CDS2: variants seen among roughly 807,000 people sequenced by gnomAD.
CDS2 encodes the protein CDP-diacylglycerol synthase 2.
CDS2 carries 47 observed loss-of-function variants against 59.0 expected under a neutral mutation model. The ratio of observed to expected loss-of-function variants is 0.80; its 90% confidence interval spans 0.63 to 1.02. The LOEUF (loss-of-function observed/expected upper bound fraction) is 1.02. Among genes scored for constraint, CDS2 ranks in the 50% least tolerant of loss-of-function variants. The pLI, the probability that CDS2 is intolerant of heterozygous loss-of-function variation, is 0.00. For missense variants in CDS2, 356 were observed against 558.9 expected (o/e 0.64, Z 3.66); for synonymous variants, 207 against 206.4 (o/e 1.00, Z -0.02).
rs748371442 is a variant in CDS2, at chr20:5,189,732, C to T, written c.1102-3C>T. On this transcript the variant is annotated splice_region_variant and splice_polypyrimidine_tract_variant and intron_variant, in intron 11 of 12. Transcript: ENST00000460006. ...TCACCCATCCTTCCCCTGCCTCTAA[C>T]AGGACTTTGCCAATACCATTCCTGG... 14 of 1,612,244 alleles carry T rather than the reference C, an allele frequency of 8.7e-6. No homozygotes were observed. The highest frequency in any genetic ancestry group is 1.1e-5 in the Non-Finnish European group (13 of 1,178,716).
chr20:5,133,771 C>T (rs543151449), intron 1 of CDS2, among the ~76,000 whole-genome samples: 53 of 152,306 alleles, frequency 3.5e-4, no homozygotes, highest in Middle Eastern at 6.8e-3. Flanking sequence ...GTGATACTCC[C>T]GCCTTGGCCT....
chr20:5,137,405 G>A (rs904601131), intron 1 of CDS2, among the ~76,000 whole-genome samples: 1 of 151,468 alleles, frequency 6.6e-6, no homozygotes, highest in Admixed American at 6.6e-5. Context: ...TACCACACTT[G>A]GCTAATTTTT....
At chr20:5,165,386 C>A (rs754334659) in intron 1 of CDS2, among the ~76,000 whole-genome samples, 51 of 152,174 alleles carry the variant, frequency 3.4e-4, no homozygotes, top group Non-Finnish European at 6.5e-4. Flanking sequence ...CTTCAGCAAA[C>A]CCTGGATTCT....
intron 5 of CDS2, among the ~76,000 whole-genome samples, chr20:5,181,338 G>T (rs1007369800): frequency 2.6e-5 from 4 of 151,958 alleles, no homozygotes; most frequent in African/African-American, 9.7e-5. Context: ...CCTTTGGGTT[G>T]GGGGTCTCCT....
rs538076334 is a variant in CDS2 at position 5,167,540 on chromosome 20, G to A, written c.58-5983G>A. On this transcript the variant is annotated intron_variant, in intron 1 of 12. Transcript: ENST00000460006. ...GCTGTCACACACTGGCCAGATATAT[G>A]TATATATATGTATATATGTATATTT... 8.1e-4 allele frequency among the ~76,000 whole-genome samples: 123 copies of A among 152,178 alleles called. 2 individuals carry two copies. The Middle Eastern group carries it at 0.01, about 13-fold the overall frequency.
rs961610340 is a variant in CDS2 at position 5,184,802 on chromosome 20, A to G, written c.672-56A>G. 7.9e-7 allele frequency: 1 copy of G among 1,262,756 alleles called. No individual in the cohort carries two copies. The highest frequency in any genetic ancestry group is 1.5e-5 in the African/African-American group (1 of 67,878). The allele number at this position is 1,262,756 out of a possible 1,614,324, so 78.2% of individuals were successfully genotyped here. ...ATTTAAGAATGGCACTATTTTGTGT[A>G]CTTTTGAGGTACTGTCACCTTGCTT... On this transcript the variant is annotated intron_variant, in intron 7 of 12. Coordinates refer to ENST00000460006, the MANE Select transcript of CDS2 (RefSeq NM_003818.4). This position sits in a 1 kb window ranked among gnomAD's most constrained non-coding sequence, Gnocchi z 4.3.
At chr20:5,134,571 A>G (rs2090633296) in intron 1 of CDS2, among the ~76,000 whole-genome samples, 1 of 151,846 alleles carries the variant, frequency 6.6e-6, no homozygotes, top group Non-Finnish European at 1.5e-5. Flanking sequence ...CCCAGGCTGG[A>G]GTCCAATGGC....
In CDS2 at chr20:5,196,971, G is replaced by A. The variant is rs539957088; in HGVS notation, c.*6737G>A. ...GCAGCAGGAGGAATACCAGGGCCAC[G>A]GAGGGGCCAGGAGTCTCACAGTGGA... On this transcript the variant is annotated 3_prime_UTR_variant, in exon 13 of 13. Transcript: ENST00000460006. The A allele has an allele frequency of 2.9e-4, 44 of 152,500 alleles. No homozygotes were observed. Among genetic ancestry groups the A allele is most frequent in the Non-Finnish European group, 4.3e-4 (29 of 68,070 alleles). 9.4% of individuals were successfully genotyped at this position (152,500 alleles called of 1,614,324 possible). A position where few individuals can be genotyped will look rare whatever the true frequency, so the allele number is the denominator to read the frequency against.
chr20:5,188,434 A>G (rs2091086849), intron 10 of CDS2, among the ~76,000 whole-genome samples: 2 of 152,306 alleles, frequency 1.3e-5, no homozygotes, highest in East Asian at 1.9e-4. Flanking sequence ...GATTTTCTTT[A>G]TATACTTCCA....
rs2091001482 is a variant in CDS2 at position 5,177,276 on chromosome 20, G to A, written c.389+531G>A. 2.0e-5 allele frequency among the ~76,000 whole-genome samples: 3 copies of A among 151,930 alleles called. No homozygotes were observed. In the South Asian group the frequency reaches 6.2e-4, roughly 32 times the overall value. ...TTAGGTTCTGCTGCCGGCTTTGCTT[G>A]TTATCCTTGGAACTTGGTTTCCTTA... On this transcript the variant is annotated intron_variant, in intron 4 of 12. Transcript: ENST00000460006.
intron 1 of CDS2, among the ~76,000 whole-genome samples, chr20:5,136,199 T>C (rs1224721499): frequency 6.6e-6 from 1 of 150,918 alleles, no homozygotes; most frequent in Non-Finnish European, 1.5e-5. Flanking sequence ...TTCAGTGGTC[T>C]ACAAGACATT....
At chr20:5,170,319 C>T (rs1202776620) in intron 1 of CDS2, among the ~76,000 whole-genome samples, 2 of 152,202 alleles carry the variant, frequency 1.3e-5, no homozygotes, top group African/African-American at 4.8e-5. Flanking sequence ...GCATGGGTTC[C>T]AGGTCCCTGC....
chr20:5,172,855 G>C (rs576067122), intron 1 of CDS2, among the ~76,000 whole-genome samples: 1 of 152,208 alleles, frequency 6.6e-6, no homozygotes, highest in African/African-American at 2.4e-5. Flanking sequence ...TGGGTAAAGA[G>C]CTTGCTGCTG....
At chr20:5,127,228 C>G (rs192509073) in intron 1 of CDS2, 79 bp downstream of exon 1, 1 of 1,275,468 alleles carries the variant, frequency 7.8e-7, no homozygotes, top group East Asian at 3.2e-5. Flanking sequence ...GCAGAGGGGT[C>G]GTCTTGTTCT....
intron 1 of CDS2, among the ~76,000 whole-genome samples, chr20:5,163,791 C>T (rs6053169): frequency 0.027 from 1,287 of 47,858 alleles, 32 homozygotes; most frequent in African/African-American, 0.07. Flanking sequence ...TTCTTTCTTT[C>T]TTTTTTTTTT....
intron 1 of CDS2, among the ~76,000 whole-genome samples, chr20:5,149,423 T>C (rs1174678056): frequency 6.6e-6 from 1 of 152,196 alleles, no homozygotes; most frequent in Non-Finnish European, 1.5e-5. Context: ...TTTTTCTCAA[T>C]TTGTCATTTT....
chr20:5,155,432 CAAA>C, intron 1 of CDS2, among the ~76,000 whole-genome samples: 1 of 152,300 alleles, frequency 6.6e-6, no homozygotes, highest in South Asian at 2.1e-4. Context: ...TTTATAATCT[CAAA>C]GTCTAAAATT....
Position 5,194,335 on chromosome 20 carries a change from C to G in CDS2, c.*4101C>G, listed in dbSNP as rs6116685. ...TGCTAGGGTTTAAACCAAGTGGTCA[C>G]GAAGGATTCTTATCTCAGGGCTCTG... On this transcript the variant is annotated 3_prime_UTR_variant, in exon 13 of 13. Transcript: ENST00000460006. 0.067 allele frequency: 10,195 copies of G among 152,256 alleles called. 1,132 individuals are homozygous for G. Among genetic ancestry groups the G allele is most frequent in the African/African-American group, 0.23 (9,664 of 41,482 alleles). The allele number at this position is 152,256 out of a possible 1,614,324, so 9.4% of individuals were successfully genotyped here. A position where few individuals can be genotyped will look rare whatever the true frequency, so the allele number is the denominator to read the frequency against.
chr20:5,178,886 C>T lies in CDS2; in HGVS notation c.459C>T (p.Val153=). The stretch of plus-strand genomic sequence containing the variant: ...TGACGGATTACTTCTTCACCCTGGT[C>T]CAGAGAGAAGAGCCTTTGCGGATTC... ...ETVTDYFFTL[V]QREEPLRILS... The change falls in exon 5 of 13, where the codon GTC becomes GTT. Residue 153 remains valine (V), a synonymous_variant. Coordinates refer to ENST00000460006, the MANE Select transcript of CDS2 (RefSeq NM_003818.4). The T allele has an allele frequency of 6.2e-7, 1 of 1,613,910 alleles. No individual in the cohort carries two copies. Among genetic ancestry groups the T allele is most frequent in the Non-Finnish European group, 8.5e-7 (1 of 1,179,782 alleles).
Sources: gnomAD v4.1 joint callset for allele counts (sites outside exome capture counted in the v4.1 genomes callset) on GRCh38, gnomAD v4.1.1 for gene constraint, Gnocchi (gnomAD v3.1) non-coding constraint, MANE v1.5 for transcripts, NCBI Gene and HGNC (gene_info 2026-07-23, HGNC 2026-07-21) for gene names.